The following SRPK1 variants were observed in gnomAD, a reference collection of about 807,000 sequenced individuals.
SRPK1 encodes the protein SRSF protein kinase 1, also known as SFRS protein kinase 1.
A neutral mutation model predicts 89.5 loss-of-function variants in SRPK1; 52 were observed. The ratio of observed to expected loss-of-function variants is 0.58; its 90% CI spans 0.46 to 0.73. SRPK1 has a LOEUF of 0.73. SRPK1 is among the 30% of genes least tolerant of loss of function. SRPK1 has a pLI of 0.00. For synonymous variants in SRPK1, 255 were observed against 270.2 expected (o/e 0.94, Z 0.55); for missense variants, 603 against 780.6 (o/e 0.77, Z 2.71).
intron 2 of SRPK1, among the ~76,000 whole-genome samples, chr6:35,913,815 TAAAAG>T (rs1403885840): frequency 1.4e-5 from 2 of 145,522 alleles, no homozygotes; most frequent in African/African-American, 2.5e-5. Flanking sequence ...GAAAAAAAAA[TAAAAG>T]AGAGAGAAAA....
chr6:35,907,627 C>A (rs934863086), intron 2 of SRPK1, among the ~76,000 whole-genome samples: 14 of 152,154 alleles, frequency 9.2e-5, no homozygotes, highest in Non-Finnish European at 2.1e-4. Flanking sequence ...ATCACTTGAA[C>A]CCGGGAGGCG....
chr6:35,865,417 G>C (rs1453725893), intron 12 of SRPK1, among the ~76,000 whole-genome samples: 1 of 151,896 alleles, frequency 6.6e-6, no homozygotes, highest in Non-Finnish European at 1.5e-5. Flanking sequence ...AAATACTAAT[G>C]TCATTTTTTC....
chr6:35,853,900 T>C (rs1769612297), intron 13 of SRPK1, among the ~76,000 whole-genome samples: 1 of 152,042 alleles, frequency 6.6e-6, no homozygotes, highest in Admixed American at 6.5e-5. Flanking sequence ...TTTTTTTTTT[T>C]TGAGACAGAG....
intron 14 of SRPK1, chr6:35,838,840 T>TA: frequency 7.4e-7 from 1 of 1,355,846 alleles, no homozygotes; most frequent in Non-Finnish European, 9.8e-7. Context: ...GGACAAGCTG[T>TA]AAAAGAGGTT....
chr6:35,876,793 T>C (rs1054538543), intron 6 of SRPK1, among the ~76,000 whole-genome samples: 3 of 152,090 alleles, frequency 2.0e-5, no homozygotes, highest in African/African-American at 7.2e-5. Context: ...AGACAACAAG[T>C]ACAGTGATCC....
chr6:35,902,232 C>CAAAAAAA (rs58763282), intron 2 of SRPK1, among the ~76,000 whole-genome samples: 37 of 83,570 alleles, frequency 4.4e-4, no homozygotes, highest in Non-Finnish European at 5.5e-4. Flanking sequence ...TCCGTCTCTA[C>CAAAAAAA]AAAAAAAAAA....
chr6:35,864,809 A>C (rs561618442), intron 12 of SRPK1, among the ~76,000 whole-genome samples: 57 of 152,320 alleles, frequency 3.7e-4, no homozygotes, highest in African/African-American at 1.3e-3. Flanking sequence ...TCAACAGATG[A>C]ATTAAAAAAA....
intron 13 of SRPK1, 31 bp from the exon 14 acceptor site, chr6:35,842,635 C>G (rs1196736392): frequency 6.5e-7 from 1 of 1,547,842 alleles, no homozygotes; most frequent in Non-Finnish European, 8.7e-7. Context: ...TATATGAAAG[C>G]ACAAAAGAAA....
intron 3 of SRPK1, among the ~76,000 whole-genome samples, chr6:35,889,523 C>T (rs768778227): frequency 9.9e-5 from 15 of 152,210 alleles, no homozygotes; most frequent in Non-Finnish European, 1.9e-4. Context: ...GTGGCTCACG[C>T]GTGTAATCCC....
At chr6:35,899,540 T>C (rs1430718238) in intron 2 of SRPK1, among the ~76,000 whole-genome samples, 1 of 152,188 alleles carries the variant, frequency 6.6e-6, no homozygotes, top group African/African-American at 2.4e-5. Context: ...GTGTACAAGG[T>C]ATTTCTCTTT....
chr6:35,841,970 A>G (rs1769320246), intron 14 of SRPK1, among the ~76,000 whole-genome samples: 1 of 152,204 alleles, frequency 6.6e-6, no homozygotes, highest in African/African-American at 2.4e-5. Flanking sequence ...TCTCTCAGAC[A>G]AAGTAACTGG....
intron 12 of SRPK1, among the ~76,000 whole-genome samples, chr6:35,866,487 G>A (rs908886040): frequency 1.3e-5 from 2 of 152,180 alleles, no homozygotes; most frequent in African/African-American, 4.8e-5. Context: ...CGGGAAGGGT[G>A]AGGCAGGAGA....
intron 2 of SRPK1, among the ~76,000 whole-genome samples, chr6:35,906,452 T>G (rs1224632012): frequency 6.6e-6 from 1 of 152,220 alleles, no homozygotes; most frequent in African/African-American, 2.4e-5. Context: ...GTCAAACTCC[T>G]GGCCTCAAAC....
At chr6:35,851,286 T>C (rs1581994469) in intron 13 of SRPK1, among the ~76,000 whole-genome samples, 1 of 152,070 alleles carries the variant, frequency 6.6e-6, no homozygotes, top group East Asian at 1.9e-4. Context: ...GCGATTCTCG[T>C]GCCTCAGCCT....
Position 35,835,024 on chromosome 6 carries a change from T to G in SRPK1, c.*280A>C, listed in dbSNP as rs1034793691. On this transcript the variant is annotated 3_prime_UTR_variant, in exon 16 of 16. Coordinates refer to ENST00000373825, the MANE Select transcript of SRPK1 (RefSeq NM_003137.5). ...GCTTATAATTTAAAGGATGTCCTAATGGGAAGGAAAGGTACAGGGCAAGAG... is the reference window on the plus strand; with the variant it reads ...GCTTATAATTTAAAGGATGTCCTAAGGGGAAGGAAAGGTACAGGGCAAGAG... The G allele has an allele frequency of 3.7e-6, 1 of 272,370 alleles. No individual in the cohort carries two copies. Among genetic ancestry groups the G allele is most frequent in the Non-Finnish European group, 7.0e-6 (1 of 143,548 alleles). 16.9% of individuals were successfully genotyped at this position (272,370 alleles called of 1,614,324 possible). A position where few individuals can be genotyped will look rare whatever the true frequency, so the allele number is the denominator to read the frequency against.
chr6:35,880,751 G>GAAAAAAAAAAAAAA (rs1770266361), intron 6 of SRPK1, among the ~76,000 whole-genome samples: 1 of 40,036 alleles, frequency 2.5e-5, no homozygotes, highest in African/African-American at 1.4e-4. Flanking sequence ...AAAAAAAAAA[G>GAAAAAAAAAAAAAA]AAAAGAAAAG....
intron 2 of SRPK1, among the ~76,000 whole-genome samples, chr6:35,894,359 G>A (rs1332324977): frequency 1.3e-5 from 2 of 152,208 alleles, no homozygotes; most frequent in Non-Finnish European, 1.5e-5. Context: ...CCTAAATGTA[G>A]GGGGGAAAAA....
intron 1 of SRPK1, chr6:35,920,786 G>A (rs1267240983): frequency 2.5e-6 from 1 of 404,830 alleles, no homozygotes; most frequent in Non-Finnish European, 4.3e-6. Context: ...CCAAGGGCCG[G>A]GCCCTGGAGT....
At chr6:35,881,426 CATATAGATATAG>C (rs56083624) in intron 6 of SRPK1, among the ~76,000 whole-genome samples, 17,552 of 147,050 alleles carry the variant, frequency 0.12, 1,670 homozygotes, top group African/African-American at 0.26. Context: ...GTAGAATACA[CATATAGATATAG>C]ATATAGATAT....
Sources: allele counts gnomAD v4.1 joint callset (sites outside exome capture counted in the v4.1 genomes callset), GRCh38; gene constraint gnomAD v4.1.1; transcripts MANE v1.5; gene names NCBI Gene and HGNC (gene_info 2026-07-23, HGNC 2026-07-21).